Variants in ALCAM observed in about 807,000 individuals in gnomAD.
ALCAM encodes the protein activated leukocyte cell adhesion molecule.
In ALCAM, 30 loss-of-function variants were observed where a neutral mutation model predicts 70.9. The observed-to-expected ratio is 0.42, with a 90% CI of 0.32 to 0.57. The LOEUF (loss-of-function observed/expected upper bound fraction) is 0.57, where lower values mean the gene tolerates loss of function less well. Ranked by LOEUF, ALCAM falls within the 20% of genes least tolerant of loss-of-function variation. ALCAM has a pLI of 0.11. For missense variants in ALCAM, 591 were observed against 695.1 expected (o/e 0.85, Z 1.68); for synonymous variants, 249 against 242.5 (o/e 1.03, Z -0.25).
At chr3:105,525,142 A>G (rs758031058) in intron 3 of ALCAM, 73 of 982,792 alleles carry the variant, frequency 7.4e-5, no homozygotes, top group Non-Finnish European at 8.5e-5. Context: ...CTTGCTTTAG[A>G]AAATTGTCCT....
At chr3:105,520,516 T>C (rs533474283) in intron 2 of ALCAM, among the ~76,000 whole-genome samples, 9 of 152,356 alleles carry the variant, frequency 5.9e-5, no homozygotes, top group African/African-American at 1.9e-4. Flanking sequence ...TTTGTTCATG[T>C]TCTACTTGAT....
intron 1 of ALCAM, among the ~76,000 whole-genome samples, chr3:105,371,412 A>G (rs1935226944): frequency 6.6e-6 from 1 of 152,106 alleles, no homozygotes; most frequent in South Asian, 2.1e-4. Flanking sequence ...AAAACGTGCT[A>G]TATTAATTAA....
rs950955115 is a variant in ALCAM, at chr3:105,575,906, A to C, written c.*1455A>C. The C allele has an allele frequency of 6.6e-6, 1 of 152,152 alleles. No homozygotes were observed. Among genetic ancestry groups the C allele is most frequent in the Non-Finnish European group, 1.5e-5 (1 of 68,006 alleles). 9.4% of individuals were successfully genotyped at this position (152,152 alleles called of 1,614,324 possible). ...TAGACTCATGAAATAAAAAATTATG[A>C]AGGCAATGAAAAATAAATTGAAAAT... On this transcript the variant is annotated 3_prime_UTR_variant, in exon 16 of 16. Transcript: ENST00000306107.
At chr3:105,502,040 T>C (rs779570417) in intron 1 of ALCAM, among the ~76,000 whole-genome samples, 2 of 152,174 alleles carry the variant, frequency 1.3e-5, no homozygotes, top group Non-Finnish European at 2.9e-5. Flanking sequence ...AATTATAAGA[T>C]GAAAATAAGA....
chr3:105,472,082 G>A (rs181411302), intron 1 of ALCAM, among the ~76,000 whole-genome samples: 4 of 151,506 alleles, frequency 2.6e-5, no homozygotes, highest in East Asian at 1.9e-4. Flanking sequence ...TTCACTGAAC[G>A]CAGTGTCTTC....
intron 1 of ALCAM, among the ~76,000 whole-genome samples, chr3:105,441,280 A>G (rs1044460056): frequency 5.3e-5 from 8 of 151,958 alleles, no homozygotes; most frequent in Admixed American, 3.3e-4. Context: ...ATGTTTGCAC[A>G]GTTTATTTAA....
chr3:105,520,094 C>T lies in ALCAM; in HGVS notation c.101C>T (p.Ala34Val), dbSNP rs1368847704. ...PGLGWYTVNS[A>V]YGDTIIIPCR... ...CTTGGATGGTATACTGTAAATTCAG[C>T]ATATGGAGATACCATTATCATACCT... Residue 34 changes from alanine (A) to valine (V), a missense_variant, in exon 2 of 16, where the codon GCA becomes GTA. Physicochemically the swap from Ala to Val is moderately conservative, Grantham distance 64. Coordinates refer to ENST00000306107, the MANE Select transcript of ALCAM (RefSeq NM_001627.4). 2 of 1,611,590 alleles carry T rather than the reference C, an allele frequency of 1.2e-6. No individual in the cohort carries two copies. Among genetic ancestry groups the T allele is most frequent in the South Asian group, 1.1e-5 (1 of 90,992 alleles).
At chr3:105,513,289 T>G (rs1218142861) in intron 1 of ALCAM, 1 of 151,900 alleles carries the variant, frequency 6.6e-6, no homozygotes. Flanking sequence ...CTCAGTCTCC[T>G]GCTCAGAAAA....
chr3:105,564,776 TG>T (rs1940707735), intron 14 of ALCAM, among the ~76,000 whole-genome samples: 1 of 152,206 alleles, frequency 6.6e-6, no homozygotes, highest in Non-Finnish European at 1.5e-5. Flanking sequence ...GCCAGGTGGG[TG>T]GCTCACACTT....
chr3:105,511,803 A>T (rs1407743221), intron 1 of ALCAM, among the ~76,000 whole-genome samples: 2 of 152,018 alleles, frequency 1.3e-5, no homozygotes, highest in Non-Finnish European at 2.9e-5. Context: ...TTAGATACTT[A>T]ATGTGGAATA....
chr3:105,535,791 G>A (rs1939954261), intron 6 of ALCAM, among the ~76,000 whole-genome samples: 1 of 151,926 alleles, frequency 6.6e-6, no homozygotes, highest in Non-Finnish European at 1.5e-5. Context: ...TTGTGATACT[G>A]GCATGTGTTC....
At chr3:105,526,883 G>T (rs1347581664) in intron 3 of ALCAM, among the ~76,000 whole-genome samples, 1 of 152,142 alleles carries the variant, frequency 6.6e-6, no homozygotes, top group African/African-American at 2.4e-5. Flanking sequence ...TTAGCAACGT[G>T]CACCGTGTAC....
At chr3:105,512,451 G>T (rs914279637) in intron 1 of ALCAM, among the ~76,000 whole-genome samples, 6 of 151,878 alleles carry the variant, frequency 4.0e-5, no homozygotes, top group Non-Finnish European at 8.8e-5. Flanking sequence ...AAATGCACAG[G>T]AAAGTGTAAT....
chr3:105,574,805 G>A lies in ALCAM; in HGVS notation c.*354G>A, dbSNP rs958388378. ...TTATACACTGTAAGCTTTGTTCTGG[G>A]AGTTGCTGTTAATCTGATGTATAAT... On this transcript the variant is annotated 3_prime_UTR_variant, in exon 16 of 16. Coordinates refer to ENST00000306107, the MANE Select transcript of ALCAM (RefSeq NM_001627.4). 6.6e-6 allele frequency: 1 copy of A among 152,468 alleles called. No homozygotes were observed. Among genetic ancestry groups the A allele is most frequent in the African/African-American group, 2.4e-5 (1 of 41,406 alleles). 9.4% of individuals were successfully genotyped at this position (152,468 alleles called of 1,614,324 possible). A position where few individuals can be genotyped will look rare whatever the true frequency, so the allele number is the denominator to read the frequency against.
intron 9 of ALCAM, among the ~76,000 whole-genome samples, chr3:105,546,600 G>T (rs1164992462): frequency 1.3e-5 from 2 of 151,422 alleles, no homozygotes; most frequent in Non-Finnish European, 3.0e-5. Flanking sequence ...TTTACTATAG[G>T]ACTAGAGAAA....
intron 1 of ALCAM, among the ~76,000 whole-genome samples, chr3:105,488,685 GAAGGA>G (rs2152610124): frequency 6.8e-6 from 1 of 146,832 alleles, no homozygotes; most frequent in East Asian, 2.1e-4. Flanking sequence ...AAGGGAAGGG[GAAGGA>G]AAGGAAAGAA....
intron 1 of ALCAM, among the ~76,000 whole-genome samples, chr3:105,412,642 G>A (rs1339128828): frequency 1.3e-5 from 2 of 152,078 alleles, no homozygotes; most frequent in African/African-American, 4.8e-5. Flanking sequence ...AGTTTTAAGT[G>A]TTATGCTCTT....
intron 1 of ALCAM, among the ~76,000 whole-genome samples, chr3:105,389,280 C>T (rs929497223): frequency 2.7e-5 from 4 of 148,528 alleles, no homozygotes; most frequent in African/African-American, 4.9e-5. Context: ...AAGAAAGATA[C>T]GCAAAACAGT....
intron 9 of ALCAM, among the ~76,000 whole-genome samples, chr3:105,546,801 C>T (rs1366087264): frequency 6.6e-6 from 1 of 151,192 alleles, no homozygotes; most frequent in Non-Finnish European, 1.5e-5. Context: ...TGTCTAGTTG[C>T]CTGCTTAGGA....
Sources: allele counts gnomAD v4.1 joint callset (sites outside exome capture counted in the v4.1 genomes callset), GRCh38; gene constraint gnomAD v4.1.1; transcripts MANE v1.5; gene names NCBI Gene and HGNC (gene_info 2026-07-23, HGNC 2026-07-21).